SUN1: variants seen among roughly 807,000 people sequenced by gnomAD.
The protein encoded by SUN1 is SUN domain-containing protein 1.
In SUN1, 61 loss-of-function variants were observed where a neutral mutation model predicts 103.2. That is an observed-to-expected ratio of 0.59 (90% CI 0.48 to 0.73). The LOEUF is 0.73. SUN1 is among the 30% of genes least tolerant of loss of function. The probability of loss-of-function intolerance (pLI) is 0.00; values close to 1 mark genes in which losing one functional copy is unlikely to be tolerated. For missense variants in SUN1, 1,052 were observed against 1,034.6 expected (o/e 1.02, Z -0.23); for synonymous variants, 490 against 425.7 (o/e 1.15, Z -1.86).
upstream of SUN1, chr7:816,195 C>A: frequency 4.0e-6 from 1 of 251,084 alleles, no homozygotes; most frequent in Non-Finnish European, 6.9e-6. Context: ...ACCCCTCCCC[C>A]AGGTGCAGAC....
chr7:835,841 C>A (rs1324447835), intron 1 of SUN1, among the ~76,000 whole-genome samples: 1 of 152,250 alleles, frequency 6.6e-6, no homozygotes, highest in African/African-American at 2.4e-5. Context: ...CAACGTGCTG[C>A]TGCCCATGCT....
At chr7:838,243 T>C (rs1805442990) in intron 1 of SUN1, among the ~76,000 whole-genome samples, 1 of 152,182 alleles carries the variant, frequency 6.6e-6, no homozygotes, top group African/African-American at 2.4e-5. Context: ...TTACATTAGT[T>C]GAATAATTAT....
chr7:824,625 T>C (rs1481886233), intron 1 of SUN1, among the ~76,000 whole-genome samples: 2 of 152,186 alleles, frequency 1.3e-5, no homozygotes, highest in Admixed American at 1.3e-4. Context: ...TCAGTGCCCT[T>C]ATGGTAAGGA....
At chr7:846,686 G>A (rs1052162736) in intron 5 of SUN1, among the ~76,000 whole-genome samples, 3 of 152,086 alleles carry the variant, frequency 2.0e-5, no homozygotes, top group Non-Finnish European at 4.4e-5. Context: ...GACCAGCCTG[G>A]GCAACATAGC....
intron 5 of SUN1, among the ~76,000 whole-genome samples, chr7:848,005 C>T (rs922630013): frequency 1.1e-4 from 16 of 148,232 alleles, no homozygotes; most frequent in Non-Finnish European, 1.5e-5. Context: ...GTCCAGTCTC[C>T]GGGATCCCCT....
rs768308762 is a variant in SUN1, at chr7:843,369, C to T, written c.507C>T (p.Asn169=). 24 of 1,608,756 alleles carry T rather than the reference C, an allele frequency of 1.5e-5. No homozygotes were observed. Among genetic ancestry groups the T allele is most frequent in the Admixed American group, 3.4e-5 (2 of 59,240 alleles). ...KGGNKAAIQG[N]GDVGAAAATA... The stretch of plus-strand genomic sequence containing the variant: ...GAAATAAAGCTGCCATTCAGGGAAA[C>T]GGGGATGTGGGAGCCGCCGCCGCCA... The change falls in exon 5 of 19, where the codon AAC becomes AAT. Residue 169 remains asparagine (N), a synonymous_variant. Coordinates refer to ENST00000401592, the MANE Select transcript of SUN1 (RefSeq NM_001130965.3).
At chr7:860,040 T>C in intron 13 of SUN1, 88 bp from the exon 14 acceptor site, 1 of 1,485,194 alleles carries the variant, frequency 6.7e-7, no homozygotes, top group South Asian at 1.3e-5. Context: ...GATATATAAT[T>C]CTTCTGAGGT....
chr7:816,083 C>A (rs76222665), upstream of SUN1, among the ~76,000 whole-genome samples: 185 of 142,066 alleles, frequency 1.3e-3, no homozygotes, highest in African/African-American at 5.2e-3. Flanking sequence ...CGCCCTCCCC[C>A]AGATGCACAC....
In SUN1 at chr7:843,122, T is replaced by C. The variant is rs377154476; in HGVS notation, c.452-84T>C. ...CTGATTTATTAACCATTGTAACCTT[T>C]ACATTTTTTAATGGGTTTTGTTCTT... is the stretch of plus-strand genomic sequence containing the variant. On this transcript the variant is annotated intron_variant, in intron 3 of 18. Coordinates refer to ENST00000401592, the MANE Select transcript of SUN1 (RefSeq NM_001130965.3). The C allele has an allele frequency of 7.1e-4, 1,124 of 1,577,264 alleles. 8 individuals are homozygous for C. The African/African-American group carries it at 0.013, about 18-fold the overall frequency.
chr7:864,392 A>T (rs1465885263), intron 15 of SUN1, among the ~76,000 whole-genome samples: 1 of 151,998 alleles, frequency 6.6e-6, no homozygotes, highest in African/African-American at 2.4e-5. Context: ...TACTAAAAAA[A>T]TGCAAAAAAA....
intron 1 of SUN1, chr7:817,473 C>A (rs1781838931): frequency 1.3e-6 from 2 of 1,536,160 alleles, no homozygotes; most frequent in African/African-American, 2.7e-5. Flanking sequence ...AGGATTTCTC[C>A]CGGCTCCCCA....
At chr7:819,283 T>C (rs1783834726) in intron 1 of SUN1, among the ~76,000 whole-genome samples, 1 of 152,016 alleles carries the variant, frequency 6.6e-6, no homozygotes, top group South Asian at 2.1e-4. Context: ...CTCCCAGTCT[T>C]TGGATTGTCT....
At position 838,900 on chromosome 7, in the gene SUN1, G is replaced by A. The variant is rs775796501; in HGVS notation, c.180G>A (p.Thr60=). The change falls in exon 2 of 19, where the codon ACG becomes ACA. Residue 60 remains threonine (T), a synonymous_variant. Coordinates refer to ENST00000401592, the MANE Select transcript of SUN1 (RefSeq NM_001130965.3). The stretch of plus-strand genomic sequence containing the variant: ...CCCGCCGTAGTTTGCGCCTGGCCAC[G>A]ACAGCATGCACCCTGGGGGATGGTG... ...RMSRRSLRLA[T]TACTLGDGEA... 24 of 1,610,762 alleles carry A rather than the reference G, an allele frequency of 1.5e-5. No individual in the cohort carries two copies. The highest frequency in any genetic ancestry group is 8.9e-5 in the South Asian group (8 of 89,858).
At chr7:833,098 C>G (rs1301996790) in intron 1 of SUN1, 6 of 153,944 alleles carry the variant, frequency 3.9e-5, no homozygotes, top group African/African-American at 1.2e-4. Context: ...TCTGAAGAGG[C>G]GCTGCCCTGC....
chr7:853,615 G>A lies in SUN1; in HGVS notation c.1260G>A (p.Arg420=). ...GAGACGCTGTGGGACAGCCCCCGAG[G>A]GAGGTGGGTGCTGCCGGGCTACCAG... The part of the protein sequence containing the change: ...SVRDAVGQPP[R]ETDFMAFHQE... The change falls in exon 10 of 19, where the codon AGG becomes AGA. Residue 420 remains arginine (R), a synonymous_variant. Coordinates refer to ENST00000401592, the MANE Select transcript of SUN1 (RefSeq NM_001130965.3). 4 of 1,600,958 alleles carry A rather than the reference G, an allele frequency of 2.5e-6. No individual in the cohort carries two copies. The highest frequency in any genetic ancestry group is 3.4e-6 in the Non-Finnish European group (4 of 1,179,734).
intron 17 of SUN1, among the ~76,000 whole-genome samples, chr7:869,927 G>A (rs554777819): frequency 5.9e-5 from 9 of 151,914 alleles, no homozygotes; most frequent in Admixed American, 2.0e-4. Flanking sequence ...AAAAAATACA[G>A]TTGAGCCTGG....
intron 6 of SUN1, 41 bp from the exon 7 acceptor site, chr7:851,909 T>C (rs1562699947): frequency 6.2e-7 from 1 of 1,604,658 alleles, no homozygotes; most frequent in Non-Finnish European, 8.5e-7. Flanking sequence ...TTGGTTTTCC[T>C]AAAAACATTT....
chr7:839,098 T>G, intron 2 of SUN1, 112 bp downstream of exon 2: 1 of 1,141,392 alleles, frequency 8.8e-7, no homozygotes, highest in Non-Finnish European at 1.2e-6. Flanking sequence ...AGGATATGTG[T>G]GTGTATGTGC....
intron 5 of SUN1, chr7:849,754 C>T (rs1650121986): frequency 9.1e-7 from 1 of 1,098,080 alleles, no homozygotes; most frequent in Non-Finnish European, 1.4e-6. Flanking sequence ...TGCTTAAGCC[C>T]TCATCACAGA....
Sources: gnomAD v4.1 joint callset for allele counts (sites outside exome capture counted in the v4.1 genomes callset) on GRCh38, gnomAD v4.1.1 for gene constraint, MANE v1.5 for transcripts, NCBI Gene and HGNC (gene_info 2026-07-23, HGNC 2026-07-21) for gene names.